Variants in DCDC2 observed in about 807,000 individuals in gnomAD.
The protein encoded by DCDC2 is doublecortin domain containing 2.
DCDC2 carries 40 observed loss-of-function variants against 50.2 expected under a neutral mutation model. The observed-to-expected ratio is 0.80, with a 90% confidence interval of 0.62 to 1.04. DCDC2 has a LOEUF of 1.04. Ranked by LOEUF, DCDC2 falls within the 50% of genes least tolerant of loss-of-function variation. The probability of loss-of-function intolerance (pLI) is 0.00; values close to 1 mark genes in which losing one functional copy is unlikely to be tolerated. For synonymous variants in DCDC2, 234 were observed against 210.6 expected, an observed-to-expected ratio of 1.11 and a Z score of -0.96; for missense variants, 570 against 581.9, an observed-to-expected ratio of 0.98 and a Z score of 0.21.
intron 8 of DCDC2, among the ~76,000 whole-genome samples, chr6:24,186,947 C>A (rs1052882495): frequency 6.6e-6 from 1 of 151,858 alleles, no homozygotes; most frequent in Non-Finnish European, 1.5e-5. Flanking sequence ...AGCCTGAGAA[C>A]AAACCAACCC....
chr6:24,264,762 C>T (rs142827722), intron 7 of DCDC2, among the ~76,000 whole-genome samples: 59 of 151,334 alleles, frequency 3.9e-4, no homozygotes, highest in Middle Eastern at 6.8e-3. Context: ...TAAGCCCTTA[C>T]GTATCAATAA....
intron 2 of DCDC2, among the ~76,000 whole-genome samples, chr6:24,343,193 G>A (rs557929071): frequency 1.3e-4 from 19 of 151,886 alleles, no homozygotes; most frequent in South Asian, 8.3e-4. Flanking sequence ...GATTACAGGC[G>A]TCTGCCACCA....
chr6:24,183,618 C>T (rs1395167388), intron 8 of DCDC2, among the ~76,000 whole-genome samples: 7 of 152,134 alleles, frequency 4.6e-5, no homozygotes, highest in Admixed American at 4.6e-4. Flanking sequence ...TGCAGAATAA[C>T]ATACATGGTC....
chr6:24,364,441 T>C, the DCDC2 span, among the ~76,000 whole-genome samples: 1 of 152,130 alleles, frequency 6.6e-6, no homozygotes, highest in African/African-American at 2.4e-5. Flanking sequence ...CCTGGCTACG[T>C]AATTACAAAT....
chr6:24,292,972 C>T (rs1175983899), intron 4 of DCDC2, among the ~76,000 whole-genome samples: 2 of 152,192 alleles, frequency 1.3e-5, no homozygotes, highest in Admixed American at 6.5e-5. Flanking sequence ...TATTTTTCTA[C>T]TTTTCTTCAA....
chr6:24,219,547 A>G (rs910045486), intron 7 of DCDC2, among the ~76,000 whole-genome samples: 2 of 152,214 alleles, frequency 1.3e-5, no homozygotes, highest in African/African-American at 4.8e-5. Context: ...CATCAGTTTA[A>G]CGGGGTGCAA....
chr6:24,300,281 T>C (rs528147165), intron 4 of DCDC2, among the ~76,000 whole-genome samples: 9 of 147,586 alleles, frequency 6.1e-5, no homozygotes, highest in Non-Finnish European at 9.0e-5. Flanking sequence ...ACTTGGGAGG[T>C]TGAGGTAAGA....
chr6:24,349,471 G>A (rs1019872020), intron 2 of DCDC2, among the ~76,000 whole-genome samples: 1 of 152,192 alleles, frequency 6.6e-6, no homozygotes, highest in Non-Finnish European at 1.5e-5. Flanking sequence ...AAGGGTAGGG[G>A]CAAGAGTAAG....
chr6:24,265,345 A>G (rs1035300758), intron 7 of DCDC2, among the ~76,000 whole-genome samples: 10 of 152,164 alleles, frequency 6.6e-5, no homozygotes, highest in African/African-American at 9.7e-5. Context: ...CCCCACTTTC[A>G]TTATTGGACA....
At chr6:24,255,840 G>C (rs182029233) in intron 7 of DCDC2, among the ~76,000 whole-genome samples, 115 of 152,174 alleles carry the variant, frequency 7.6e-4, no homozygotes, top group Middle Eastern at 3.4e-3. Context: ...GACCTCTTTG[G>C]AACAGTGTTT....
At chr6:24,349,142 G>C (rs1193421121) in intron 2 of DCDC2, among the ~76,000 whole-genome samples, 1 of 152,344 alleles carries the variant, frequency 6.6e-6, no homozygotes, top group African/African-American at 2.4e-5. Flanking sequence ...TACAATGCCA[G>C]GTCAAAGCAG....
At chr6:24,279,215 T>C (rs886961998) in intron 6 of DCDC2, among the ~76,000 whole-genome samples, 4 of 152,010 alleles carry the variant, frequency 2.6e-5, no homozygotes, top group African/African-American at 9.7e-5. Flanking sequence ...AGCAAGAAAC[T>C]CCCTCTTGCC....
At chr6:24,292,983 A>C (rs746991235) in intron 4 of DCDC2, among the ~76,000 whole-genome samples, 6 of 152,218 alleles carry the variant, frequency 3.9e-5, no homozygotes, top group Non-Finnish European at 5.9e-5. Context: ...TTTTCTTCAA[A>C]ATAGTTATAT....
chr6:24,377,913 C>T, the DCDC2 span, among the ~76,000 whole-genome samples: 1 of 152,030 alleles, frequency 6.6e-6, no homozygotes, highest in Non-Finnish European at 1.5e-5. Flanking sequence ...TGCTTGAACC[C>T]GGGAGGCGGA....
At chr6:24,230,665 T>A (rs532182202) in intron 7 of DCDC2, among the ~76,000 whole-genome samples, 35 of 151,240 alleles carry the variant, frequency 2.3e-4, no homozygotes, top group African/African-American at 7.8e-4. Flanking sequence ...AAACAAAACA[T>A]AACAAAAACT....
chr6:24,304,313 T>C (rs1422794854), intron 2 of DCDC2, among the ~76,000 whole-genome samples: 2 of 152,122 alleles, frequency 1.3e-5, no homozygotes, highest in African/African-American at 4.8e-5. Context: ...TGAAACCCTA[T>C]CTCTACTGAA....
chr6:24,250,239 G>C (rs535796051), intron 7 of DCDC2, among the ~76,000 whole-genome samples: 1 of 152,122 alleles, frequency 6.6e-6, no homozygotes, highest in Non-Finnish European at 1.5e-5. Context: ...AGTACAAATC[G>C]GTAACCTAAA....
intron 7 of DCDC2, among the ~76,000 whole-genome samples, chr6:24,227,326 C>A (rs1432122920): frequency 6.6e-5 from 10 of 152,140 alleles, no homozygotes; most frequent in Non-Finnish European, 1.5e-4. Flanking sequence ...AATTTGTACT[C>A]CCACTGGGCC....
intron 7 of DCDC2, among the ~76,000 whole-genome samples, chr6:24,213,391 A>G (rs1761918346): frequency 6.6e-6 from 1 of 152,170 alleles, no homozygotes; most frequent in South Asian, 2.1e-4. Flanking sequence ...TAAAACCAGC[A>G]TGGTACTGGC....
Sources: allele counts gnomAD v4.1 joint callset (sites outside exome capture counted in the v4.1 genomes callset), GRCh38; gene constraint gnomAD v4.1.1; transcripts MANE v1.5; gene names NCBI Gene and HGNC (gene_info 2026-07-23, HGNC 2026-07-21).